NFKB1: variants seen among roughly 807,000 people sequenced by gnomAD.
NFKB1 encodes the protein nuclear factor NF-kappa-B p105 subunit.
A neutral mutation model predicts 105.1 loss-of-function variants in NFKB1; 9 were observed. The ratio of observed to expected loss-of-function variants is 0.09; its 90% CI spans 0.05 to 0.15. The LOEUF is 0.15. Ranked by LOEUF, NFKB1 falls within the 10% of genes least tolerant of loss-of-function variation. The pLI is 1.00. For missense variants in NFKB1, 830 were observed against 1,203.7 expected (o/e 0.69, Z 4.59); for synonymous variants, 440 against 442.2 (o/e 1.00, Z 0.06).
chr4:102,590,218 C>T (rs1211870609), intron 11 of NFKB1, among the ~76,000 whole-genome samples: 1 of 152,268 alleles, frequency 6.6e-6, no homozygotes, highest in Middle Eastern at 3.4e-3. Flanking sequence ...ATGTCCCACA[C>T]ACACGTAAAA....
chr4:102,533,744 A>G lies in NFKB1; in HGVS notation c.119-101A>G, dbSNP rs528282125. 212 of 960,518 alleles carry G rather than the reference A, an allele frequency of 2.2e-4. 2 individuals carry two copies. Among genetic ancestry groups the G allele is most frequent in the South Asian group, 2.2e-3 (141 of 65,562 alleles). 59.5% of individuals were successfully genotyped at this position (960,518 alleles called of 1,614,324 possible). ...CCAAAAATTGATTTGAAATTTCTAC[A>G]TAAAAACATAATTTCAGTTTTTTAC... is the stretch of plus-strand genomic sequence containing the variant. On this transcript the variant is annotated intron_variant, in intron 3 of 23. Coordinates refer to ENST00000226574, the MANE Select transcript of NFKB1 (RefSeq NM_003998.4).
chr4:102,566,936 T>C, intron 5 of NFKB1, 51 bp from the exon 6 acceptor site: 1 of 1,595,492 alleles, frequency 6.3e-7, no homozygotes, highest in Non-Finnish European at 8.6e-7. Flanking sequence ...CATGTTTCCA[T>C]GTTGCTGGAG....
At chr4:102,579,642 A>AT (rs1725159434) in intron 8 of NFKB1, among the ~76,000 whole-genome samples, 1 of 99,076 alleles carries the variant, frequency 1.0e-5, no homozygotes. Context: ...ATCTCAAAAA[A>AT]AAAAATATAT....
chr4:102,583,288 T>C (rs1428052000), intron 10 of NFKB1, among the ~76,000 whole-genome samples: 1 of 152,180 alleles, frequency 6.6e-6, no homozygotes, highest in Non-Finnish European at 1.5e-5. Flanking sequence ...ACTATCATCA[T>C]TTTATACTTT....
chr4:102,584,524 A>T lies in NFKB1; in HGVS notation c.928-158A>T, dbSNP rs137886996. ...AAAAATGTATCGGTATAGAATTCTGAGTTTGGAACTTTCTCCAGGACACGG... is the reference window on the plus strand; with the variant it reads ...AAAAATGTATCGGTATAGAATTCTGTGTTTGGAACTTTCTCCAGGACACGG... On this transcript the variant is annotated intron_variant, in intron 10 of 23. Coordinates refer to ENST00000226574, the MANE Select transcript of NFKB1 (RefSeq NM_003998.4). Among the ~76,000 whole-genome samples the T allele has an allele frequency of 3.5e-3, 536 of 152,254 alleles. 4 individuals are homozygous for T. The highest frequency in any genetic ancestry group is 0.012 in the African/African-American group (513 of 41,548).
chr4:102,578,658 T>G, intron 7 of NFKB1: 42 of 486,734 alleles, frequency 8.6e-5, no homozygotes, highest in East Asian at 1.9e-4. Context: ...CGGAAGAGAG[T>G]TTTTACTGTA....
At chr4:102,613,006 AT>A (rs11296045) in intron 22 of NFKB1, among the ~76,000 whole-genome samples, 3,229 of 148,112 alleles carry the variant, frequency 0.022, 119 homozygotes, top group African/African-American at 0.071. Flanking sequence ...TTACCCGGGG[AT>A]TTTTTTTTTT....
Position 102,593,558 on chromosome 4 carries a change from T to C in NFKB1, c.1200T>C (p.Ser400=). 6.2e-7 allele frequency: 1 copy of C among 1,613,230 alleles called. No homozygotes were observed. Among genetic ancestry groups the C allele is most frequent in the Non-Finnish European group, 8.5e-7 (1 of 1,179,464 alleles). The change falls in exon 12 of 24, where the codon AGT becomes AGC. Residue 400 remains serine (S), a synonymous_variant. Transcript: ENST00000226574. ...GSGGGGGGTG[S]TGPGYSFPHY... ...GCGGTGGAGGAGGGGGCACTGGAAG[T>C]ACAGGTCCAGGTACAAAAATACTTA...
intron 5 of NFKB1, among the ~76,000 whole-genome samples, chr4:102,566,194 A>T (rs985389795): frequency 6.6e-6 from 1 of 152,204 alleles, no homozygotes. Context: ...CATTATCTCC[A>T]TGCTATTTCC....
intron 1 of NFKB1, among the ~76,000 whole-genome samples, chr4:102,515,107 A>ATTTTTTTT (rs34257045): frequency 4.6e-4 from 44 of 95,634 alleles, no homozygotes; most frequent in Admixed American, 8.2e-4. Context: ...TATTATTATT[A>ATTTTTTTT]TTTTTTTTTT....
chr4:102,526,412 T>A (rs1740914927), intron 2 of NFKB1, among the ~76,000 whole-genome samples: 1 of 152,232 alleles, frequency 6.6e-6, no homozygotes, highest in Non-Finnish European at 1.5e-5. Flanking sequence ...TGTATGTTAT[T>A]TGAGTGTTGG....
At chr4:102,524,368 T>TTTGTA (rs1237093840) in intron 1 of NFKB1, among the ~76,000 whole-genome samples, 1 of 152,088 alleles carries the variant, frequency 6.6e-6, no homozygotes, top group African/African-American at 2.4e-5. Context: ...GACTTTTATT[T>TTTGTA]TTGTATTTTT....
At chr4:102,585,233 C>A (rs1725621918) in intron 11 of NFKB1, among the ~76,000 whole-genome samples, 2 of 152,110 alleles carry the variant, frequency 1.3e-5, no homozygotes, top group African/African-American at 4.8e-5. Flanking sequence ...TAGAAAAGAT[C>A]AGTTAGTCAC....
chr4:102,550,067 A>G (rs1257547895), intron 5 of NFKB1, among the ~76,000 whole-genome samples: 1 of 151,630 alleles, frequency 6.6e-6, no homozygotes, highest in Non-Finnish European at 1.5e-5. Context: ...AGCTTTCTTC[A>G]TTCTTCTTTA....
chr4:102,602,388 A>G (rs1727238040), intron 16 of NFKB1, among the ~76,000 whole-genome samples: 1 of 151,590 alleles, frequency 6.6e-6, no homozygotes. Context: ...AAAAAAAAAA[A>G]AATTAGCCAG....
chr4:102,536,485 T>C (rs1233064238), intron 4 of NFKB1, among the ~76,000 whole-genome samples: 1 of 152,192 alleles, frequency 6.6e-6, no homozygotes, highest in African/African-American at 2.4e-5. Flanking sequence ...CAGGAAGTTT[T>C]TGGATAATAT....
chr4:102,534,626 T>C (rs1741522707), intron 4 of NFKB1, among the ~76,000 whole-genome samples: 1 of 152,170 alleles, frequency 6.6e-6, no homozygotes. Context: ...AGGTTTCAGT[T>C]ATTAGGGAAT....
chr4:102,535,830 A>G (rs982662855), intron 4 of NFKB1, among the ~76,000 whole-genome samples: 5 of 152,012 alleles, frequency 3.3e-5, no homozygotes, highest in African/African-American at 9.7e-5. Flanking sequence ...TATTTTTCCA[A>G]CTGTCCCAAA....
chr4:102,602,731 A>G (rs1727296319), intron 16 of NFKB1, among the ~76,000 whole-genome samples: 1 of 152,154 alleles, frequency 6.6e-6, no homozygotes, highest in African/African-American at 2.4e-5. Flanking sequence ...CTTCTTGTCA[A>G]AGGAAAAGTA....
Sources: gnomAD v4.1 joint callset for allele counts (sites outside exome capture counted in the v4.1 genomes callset) on GRCh38, gnomAD v4.1.1 for gene constraint, MANE v1.5 for transcripts, NCBI Gene and HGNC (gene_info 2026-07-23, HGNC 2026-07-21) for gene names.